The following TARS3 variants were observed in gnomAD, a reference collection of about 807,000 sequenced individuals.
TARS3 encodes threonine--tRNA ligase 2, cytoplasmic.
A neutral mutation model predicts 103.5 loss-of-function variants in TARS3; 94 were observed. The ratio of observed to expected loss-of-function variants is 0.91; its 90% CI spans 0.77 to 1.08. The LOEUF is 1.08. TARS3 is among the 50% of genes least tolerant of loss of function. TARS3 has a pLI of 0.00. For missense variants in TARS3, 952 were observed against 995.2 expected (o/e 0.96, Z 0.58); for synonymous variants, 416 against 355.4 (o/e 1.17, Z -1.92).
chr15:101,722,310 C>T (rs1388170140), intron 2 of TARS3, among the ~76,000 whole-genome samples: 1 of 150,970 alleles, frequency 6.6e-6, no homozygotes, highest in Non-Finnish European at 1.5e-5. Context: ...CAGAGTCACA[C>T]ATTACAGCAC....
intron 15 of TARS3, among the ~76,000 whole-genome samples, chr15:101,662,675 A>G (rs1410104877): frequency 6.6e-6 from 1 of 152,178 alleles, no homozygotes; most frequent in African/African-American, 2.4e-5. Context: ...GTCCATTCCT[A>G]TGCAGGTATA....
intron 5 of TARS3, 70 bp downstream of exon 5, chr15:101,711,810 T>C: frequency 6.4e-7 from 1 of 1,552,054 alleles, no homozygotes; most frequent in South Asian, 1.2e-5. Context: ...GTTACTAGGC[T>C]AGTATGTAAC....
At position 101,653,646 on chromosome 15, in the gene TARS3, C is replaced by T. The variant is rs1296568458; in HGVS notation, c.*936G>A. 6.6e-6 allele frequency: 1 copy of T among 152,262 alleles called. No individual in the cohort carries two copies. The highest frequency in any genetic ancestry group is 1.5e-5 in the Non-Finnish European group (1 of 68,048). 9.4% of individuals were successfully genotyped at this position (152,262 alleles called of 1,614,324 possible). On this transcript the variant is annotated 3_prime_UTR_variant, in exon 19 of 19. Coordinates refer to ENST00000335968, the MANE Select transcript of TARS3 (RefSeq NM_152334.3). ...CAACTGTTTCACTGTTCACATCCCTCAGGAAGTTAACTAAATGATCAGTAT... is the reference window on the plus strand; with the variant it reads ...CAACTGTTTCACTGTTCACATCCCTTAGGAAGTTAACTAAATGATCAGTAT...
chr15:101,660,989 A>G (rs1897353061), intron 16 of TARS3, among the ~76,000 whole-genome samples: 1 of 152,148 alleles, frequency 6.6e-6, no homozygotes, highest in Non-Finnish European at 1.5e-5. Context: ...TTGTTTTTCA[A>G]TCTAATTAGT....
At chr15:101,718,531 T>C (rs774562848) in intron 3 of TARS3, among the ~76,000 whole-genome samples, 9 of 152,134 alleles carry the variant, frequency 5.9e-5, no homozygotes, top group South Asian at 4.1e-4. Context: ...CTATGCAAGA[T>C]GGGAAAGACA....
At chr15:101,662,278 A>G (rs1388323096) in intron 15 of TARS3, among the ~76,000 whole-genome samples, 3 of 152,194 alleles carry the variant, frequency 2.0e-5, no homozygotes, top group Non-Finnish European at 4.4e-5. Flanking sequence ...TAGGAAAAAA[A>G]AATGAAAAAA....
chr15:101,703,908 C>A lies in TARS3; in HGVS notation c.1025G>T (p.Gly342Val), dbSNP rs1355518957. The change falls in exon 8 of 19, where the codon GGT becomes GTT. Residue 342 changes from glycine to valine, a missense_variant. Around this residue, in one of 2 missense-constraint regions of TARS3, gnomAD observed 540 missense variants for 631.0 expected, o/e 0.86. Coordinates refer to ENST00000335968, the MANE Select transcript of TARS3 (RefSeq NM_152334.3). ...TTTTCCAGTGTGTCTTACATGTGGA[C>A]CTTTGCAAAGGTCAATTAATGGACC... ...RCGPLIDLCKGPHVRHTGKIK... is the reference protein window; with the variant it reads ...RCGPLIDLCKVPHVRHTGKIK... 1 of 1,613,018 alleles carries A rather than the reference C, an allele frequency of 6.2e-7. No individual in the cohort carries two copies. Among genetic ancestry groups the A allele is most frequent in the Non-Finnish European group, 8.5e-7 (1 of 1,179,632 alleles).
At chr15:101,660,071 T>G (rs111252678) in intron 16 of TARS3, among the ~76,000 whole-genome samples, 1 of 152,188 alleles carries the variant, frequency 6.6e-6, no homozygotes, top group Non-Finnish European at 1.5e-5. Flanking sequence ...GAATCCATTA[T>G]GGCAAGGAAA....
intron 10 of TARS3, chr15:101,695,800 G>C (rs1328918526): frequency 6.6e-6 from 1 of 152,488 alleles, no homozygotes; most frequent in Non-Finnish European, 1.5e-5. Context: ...AGCTACTTGG[G>C]AGGCTGAGGC....
In TARS3 at chr15:101,690,293, GATT is replaced by G. The variant is rs539175916; in HGVS notation, c.1321-4234_1321-4232del. 1.1e-3 allele frequency among the ~76,000 whole-genome samples: 166 copies of G among 152,218 alleles called. 3 individuals are homozygous for G. Among genetic ancestry groups the G allele is most frequent in the Admixed American group, 7.1e-3 (109 of 15,288 alleles). On this transcript the variant is annotated intron_variant, in intron 10 of 18. Transcript: ENST00000335968. The stretch of plus-strand genomic sequence containing the variant: ...GCTCCGCACAAGGCTTACTTGCTGT[GATT>G]ATTATTTTTTTATTTTATAAAATAT...
rs531701025 is a variant in TARS3 at position 101,661,839 on chromosome 15, T to G, written c.1968-23A>C. 3.5e-6 allele frequency: 5 copies of G among 1,426,754 alleles called. 1 individual carries two copies. The highest frequency in any genetic ancestry group is 2.7e-5 in the South Asian group (2 of 72,968). The allele number at this position is 1,426,754 out of a possible 1,614,324, so 88.4% of individuals were successfully genotyped here. On this transcript the variant is annotated intron_variant, in intron 15 of 18. Transcript: ENST00000335968. ...TTACTAAAAAATGAAAATTATACAT[T>G]TAAGTCTTTTCCTAAGATTCAATAA...
chr15:101,705,718 A>G lies in TARS3; in HGVS notation c.960T>C (p.Asn320=), dbSNP rs1244177002. 6.2e-7 allele frequency: 1 copy of G among 1,611,432 alleles called. No individual in the cohort carries two copies. The highest frequency in any genetic ancestry group is 1.7e-5 in the Admixed American group (1 of 59,814). The change falls in exon 7 of 19, where the codon AAT becomes AAC. Residue 320 remains asparagine (N), a synonymous_variant. Transcript: ENST00000335968. ...TGGTAGTTGCAGTGTTAACTTTCTC[A>G]TTCAGAATGCGGCATTTAAATTTAT... The part of the protein sequence containing the change: ...KYNKFKCRIL[N]EKVNTATTTV...
intron 2 of TARS3, 137 bp from the exon 3 acceptor site, chr15:101,721,459 C>G (rs185329612): frequency 9.7e-6 from 6 of 616,564 alleles, no homozygotes; most frequent in Admixed American, 9.0e-5. Context: ...GTTTGAATTA[C>G]GATTTTGTTG....
chr15:101,679,141 C>T (rs962169431), intron 12 of TARS3, among the ~76,000 whole-genome samples: 7 of 152,122 alleles, frequency 4.6e-5, no homozygotes, highest in African/African-American at 1.7e-4. Flanking sequence ...TGGAGTTTAT[C>T]CTGAACAGCT....
intron 12 of TARS3, among the ~76,000 whole-genome samples, chr15:101,683,073 T>G (rs756897570): frequency 3.3e-5 from 5 of 152,260 alleles, no homozygotes; most frequent in Middle Eastern, 3.4e-3. Flanking sequence ...AGAACCAGCT[T>G]TTGTTTTATT....
chr15:101,711,310 C>CTTTAGT (rs1471781858), intron 5 of TARS3, among the ~76,000 whole-genome samples: 4 of 152,148 alleles, frequency 2.6e-5, no homozygotes, highest in Non-Finnish European at 4.4e-5. Context: ...AGTTAAATGC[C>CTTTAGT]TTAGACCATT....
intron 1 of TARS3, 140 bp from the exon 2 acceptor site, chr15:101,723,304 C>G (rs573892730): frequency 1.5e-6 from 1 of 680,178 alleles, no homozygotes; most frequent in African/African-American, 1.8e-5. Context: ...AGCTACAGCT[C>G]TCAGTGGGCA....
intron 10 of TARS3, among the ~76,000 whole-genome samples, chr15:101,692,999 A>G (rs1377216096): frequency 6.6e-6 from 1 of 151,822 alleles, no homozygotes; most frequent in African/African-American, 2.4e-5. Flanking sequence ...TCCCCTCCCC[A>G]CTCCAGGGTT....
At chr15:101,667,042 CATT>C (rs1448608853) in intron 15 of TARS3, among the ~76,000 whole-genome samples, 3 of 152,126 alleles carry the variant, frequency 2.0e-5, no homozygotes, top group Non-Finnish European at 4.4e-5. Flanking sequence ...CATGAGAAAA[CATT>C]AATCTCCTTG....
Sources: allele counts gnomAD v4.1 joint callset (sites outside exome capture counted in the v4.1 genomes callset), GRCh38; gene constraint gnomAD v4.1.1; regional missense constraint gnomAD v4.1.1; transcripts MANE v1.5; gene names NCBI Gene and HGNC (gene_info 2026-07-23, HGNC 2026-07-21).